The following CSNK2A2 variants were observed in gnomAD, a reference collection of about 807,000 sequenced individuals.
The protein encoded by CSNK2A2 is casein kinase 2 alpha 2.
Under a neutral mutation model 54.0 loss-of-function variants are expected in CSNK2A2, and 8 were observed. The observed-to-expected ratio is 0.15, with a 90% confidence interval of 0.09 to 0.27. The LOEUF (loss-of-function observed/expected upper bound fraction) is 0.27. Among genes scored for constraint, CSNK2A2 ranks in the 10% least tolerant of loss-of-function variants. CSNK2A2 has a pLI of 1.00. For synonymous variants in CSNK2A2, 141 were observed against 153.9 expected (o/e 0.92, Z 0.62); for missense variants, 242 against 439.4 (o/e 0.55, Z 4.02).
intron 5 of CSNK2A2, among the ~76,000 whole-genome samples, chr16:58,173,781 T>C (rs1364431885): frequency 1.3e-5 from 2 of 152,212 alleles, no homozygotes; most frequent in Admixed American, 6.5e-5. Flanking sequence ...GCTTTTCCCA[T>C]CAAGAGTGGA....
intron 2 of CSNK2A2, among the ~76,000 whole-genome samples, chr16:58,189,862 C>A (rs890056193): frequency 1.3e-5 from 2 of 152,226 alleles, no homozygotes; most frequent in Non-Finnish European, 2.9e-5. Context: ...CAGTTTATTC[C>A]TCTGAACTGG....
At chr16:58,182,565 A>C (rs903004712) in intron 4 of CSNK2A2, among the ~76,000 whole-genome samples, 3 of 151,594 alleles carry the variant, frequency 2.0e-5, no homozygotes, top group East Asian at 3.9e-4. Flanking sequence ...AAAAAAAAAA[A>C]AAAAAAAACA....
intron 4 of CSNK2A2, among the ~76,000 whole-genome samples, chr16:58,178,433 C>A (rs759699478): frequency 6.6e-6 from 1 of 151,878 alleles, no homozygotes; most frequent in Non-Finnish European, 1.5e-5. Context: ...TACAGGCGTG[C>A]ACCATAGCCC....
At chr16:58,178,123 T>C (rs781643718) in intron 4 of CSNK2A2, among the ~76,000 whole-genome samples, 11 of 152,324 alleles carry the variant, frequency 7.2e-5, no homozygotes, top group South Asian at 4.1e-4. Flanking sequence ...TCACATTATT[T>C]ACTAAGTGGT....
intron 4 of CSNK2A2, among the ~76,000 whole-genome samples, chr16:58,177,202 T>C (rs1206580965): frequency 6.6e-6 from 1 of 152,086 alleles, no homozygotes; most frequent in Non-Finnish European, 1.5e-5. Context: ...TCACAGTCAA[T>C]GGAACAAAAC....
chr16:58,169,810 G>C lies in CSNK2A2; in HGVS notation c.430-1117C>G, dbSNP rs28434091. ...TCATGCCTGTAATCCCAGAACTTTC[G>C]GAGGCAGGCAGATCACTTCAGGTCA... On this transcript the variant is annotated intron_variant, in intron 5 of 11. Transcript: ENST00000262506. 2.2e-3 allele frequency among the ~76,000 whole-genome samples: 333 copies of C among 151,918 alleles called. 1 individual carries two copies. The highest frequency in any genetic ancestry group is 7.5e-3 in the African/African-American group (309 of 41,418).
Position 58,158,019 on chromosome 16 carries a change from G to C in CSNK2A2, c.*352C>G, listed in dbSNP as rs1597101767. On this transcript the variant is annotated 3_prime_UTR_variant, in exon 12 of 12. Transcript: ENST00000262506. The stretch of plus-strand genomic sequence containing the variant: ...CCACTGTGGAGTCTGTGGTCAGCTA[G>C]TTAGCGTGGTTTGCTGGAAAAACAG... 1 of 152,640 alleles carries C rather than the reference G, an allele frequency of 6.6e-6. No individual in the cohort carries two copies. The highest frequency in any genetic ancestry group is 6.5e-5 in the Admixed American group (1 of 15,284). 9.5% of individuals were successfully genotyped at this position (152,640 alleles called of 1,614,324 possible).
At position 58,197,031 on chromosome 16, in the gene CSNK2A2, A is replaced by C; in HGVS notation, c.105-187T>G. On this transcript the variant is annotated intron_variant, in intron 1 of 11. Coordinates refer to ENST00000262506, the MANE Select transcript of CSNK2A2 (RefSeq NM_001896.4). The surrounding 1 kb of genome is among the most constrained non-coding windows in gnomAD (Gnocchi z 4.0). Reference sequence around the variant, plus strand: ...GCTCCCTTCACTCTGCAGAGCTCCTAACCTAATTGGTCTCTCCTAACTTGG... The same window carrying C: ...GCTCCCTTCACTCTGCAGAGCTCCTCACCTAATTGGTCTCTCCTAACTTGG... 1 of 575,268 alleles carries C rather than the reference A, an allele frequency of 1.7e-6. No homozygotes were observed. Among genetic ancestry groups the C allele is most frequent in the Non-Finnish European group, 3.2e-6 (1 of 315,336 alleles). The allele number at this position is 575,268 out of a possible 1,614,324, so 35.6% of individuals were successfully genotyped here.
chr16:58,167,162 G>T, intron 8 of CSNK2A2, 45 bp downstream of exon 8: 3 of 1,364,484 alleles, frequency 2.2e-6, no homozygotes, highest in South Asian at 1.3e-5. Flanking sequence ...CTATTTTTTT[G>T]GCATTCACCC....
chr16:58,167,147 G>A, intron 8 of CSNK2A2, 60 bp downstream of exon 8: 2 of 1,129,466 alleles, frequency 1.8e-6, no homozygotes, highest in Non-Finnish European at 1.3e-6. Context: ...TCTTATCTAA[G>A]GATGCTATTT....
At chr16:58,173,471 A>G (rs1961793766) in intron 5 of CSNK2A2, among the ~76,000 whole-genome samples, 1 of 152,252 alleles carries the variant, frequency 6.6e-6, no homozygotes, top group Non-Finnish European at 1.5e-5. Context: ...ACAAAAATCT[A>G]GGACCCATGG....
intron 8 of CSNK2A2, 100 bp downstream of exon 8, chr16:58,167,107 G>T: frequency 2.8e-6 from 2 of 715,218 alleles, no homozygotes; most frequent in South Asian, 2.2e-5. Context: ...TGCAGACACT[G>T]AGTGATACTT....
At chr16:58,194,577 C>G (rs972646672) in intron 2 of CSNK2A2, among the ~76,000 whole-genome samples, 1 of 152,144 alleles carries the variant, frequency 6.6e-6, no homozygotes, top group Non-Finnish European at 1.5e-5. Flanking sequence ...TAGGGGCCTC[C>G]CAAGTCTGAT....
At chr16:58,185,968 T>C (rs1477270054) in intron 3 of CSNK2A2, among the ~76,000 whole-genome samples, 3 of 152,220 alleles carry the variant, frequency 2.0e-5, no homozygotes, top group Non-Finnish European at 2.9e-5. Flanking sequence ...TATATTATTA[T>C]GAGGATGTCT....
intron 4 of CSNK2A2, 38 bp downstream of exon 4, chr16:58,184,222 C>T (rs764773971): frequency 2.0e-6 from 3 of 1,529,270 alleles, no homozygotes; most frequent in South Asian, 2.3e-5. Context: ...CTCCCCCTCA[C>T]CCCGTTAACC....
chr16:58,183,419 T>C (rs16942468), intron 4 of CSNK2A2, among the ~76,000 whole-genome samples: 10,632 of 151,892 alleles, frequency 0.07, 473 homozygotes, highest in South Asian at 0.21. Flanking sequence ...CTCTTACTTT[T>C]ACCCAGAACC....
chr16:58,185,154 A>AT (rs1158235096), intron 3 of CSNK2A2, among the ~76,000 whole-genome samples: 1 of 143,124 alleles, frequency 7.0e-6, no homozygotes, highest in Non-Finnish European at 1.5e-5. Context: ...GGGGTTATAG[A>AT]AAAAAAAAAA....
intron 10 of CSNK2A2, among the ~76,000 whole-genome samples, chr16:58,164,736 G>C (rs1236480228): frequency 6.6e-6 from 1 of 152,158 alleles, no homozygotes; most frequent in Non-Finnish European, 1.5e-5. Flanking sequence ...AGGTCTAGAA[G>C]GCTGAAGGCT....
At chr16:58,176,270 G>A (rs796622253) in intron 4 of CSNK2A2, among the ~76,000 whole-genome samples, 22 of 152,298 alleles carry the variant, frequency 1.4e-4, no homozygotes, top group African/African-American at 4.6e-4. Context: ...TTTTATCTGT[G>A]GAAGGCCTCC....
Sources: allele counts gnomAD v4.1 joint callset (sites outside exome capture counted in the v4.1 genomes callset), GRCh38; gene constraint gnomAD v4.1.1; non-coding constraint Gnocchi (gnomAD v3.1); transcripts MANE v1.5; gene names NCBI Gene and HGNC (gene_info 2026-07-23, HGNC 2026-07-21).